Variants in AKAP7 observed in about 807,000 individuals in gnomAD.
The protein encoded by AKAP7 is A kinase (PRKA) anchor protein 7.
In AKAP7, 39 loss-of-function variants were observed where a neutral mutation model predicts 39.5. The ratio of observed to expected loss-of-function variants is 0.99; its 90% CI spans 0.76 to 1.29. AKAP7 has a LOEUF of 1.29. AKAP7 is among the 50% of genes most tolerant of loss of function. The pLI is 0.00. For missense variants in AKAP7, 414 were observed against 407.7 expected, an observed-to-expected ratio of 1.02 and a Z score of -0.13; for synonymous variants, 140 against 139.1, an observed-to-expected ratio of 1.01 and a Z score of -0.05.
intron 2 of AKAP7, among the ~76,000 whole-genome samples, chr6:131,146,568 T>C (rs1447911165): frequency 1.3e-5 from 2 of 152,232 alleles, no homozygotes; most frequent in Non-Finnish European, 2.9e-5. Context: ...TCCAGGTTAC[T>C]TGTGGGGAGG....
intron 7 of AKAP7, among the ~76,000 whole-genome samples, chr6:131,249,971 A>G (rs756887843): frequency 6.6e-6 from 1 of 152,184 alleles, no homozygotes; most frequent in African/African-American, 2.4e-5. Flanking sequence ...CACTTAGCCT[A>G]TCATTTCTAT....
intron 5 of AKAP7, among the ~76,000 whole-genome samples, chr6:131,198,822 A>T (rs557700517): frequency 3.5e-4 from 53 of 152,298 alleles, no homozygotes; most frequent in Non-Finnish European, 7.2e-4. Context: ...CCTTGCACAC[A>T]TGCACTGATC....
At chr6:131,152,081 C>T (rs184409723) in intron 2 of AKAP7, among the ~76,000 whole-genome samples, 180 of 149,850 alleles carry the variant, frequency 1.2e-3, no homozygotes, top group Non-Finnish European at 2.2e-3. Flanking sequence ...GAGTTACAGC[C>T]TTTGTCAGCA....
chr6:131,157,207 T>A, intron 2 of AKAP7, among the ~76,000 whole-genome samples: 1 of 152,232 alleles, frequency 6.6e-6, no homozygotes, highest in Non-Finnish European at 1.5e-5. Flanking sequence ...TAAATGTTTT[T>A]ATGTATTAAC....
chr6:131,281,516 A>G lies in AKAP7; in HGVS notation c.851-14A>G. ...GTGATCTCAGTGACCTCTCTTCTCT[A>G]TTGTGGAATGTAGGTGAAAAGAACG... On this transcript the variant is annotated splice_polypyrimidine_tract_variant and intron_variant, in intron 7 of 7. Coordinates refer to ENST00000431975, the MANE Select transcript of AKAP7 (RefSeq NM_016377.4). This position sits in a 1 kb window ranked among gnomAD's most constrained non-coding sequence, Gnocchi z 4.0. 1.9e-6 allele frequency: 3 copies of G among 1,591,516 alleles called. No individual in the cohort carries two copies. Among genetic ancestry groups the G allele is most frequent in the South Asian group, 2.3e-5 (2 of 87,674 alleles).
In AKAP7 at chr6:131,167,914, G is replaced by T. The variant is rs1047006367; in HGVS notation, c.429-1199G>T. On this transcript the variant is annotated intron_variant, in intron 4 of 7. Coordinates refer to ENST00000431975, the MANE Select transcript of AKAP7 (RefSeq NM_016377.4). ...CTGATCAAAATAATTTAAACGAATA[G>T]CAATCCACTGGAAGGGTGTTTTAAA... 3.9e-5 allele frequency among the ~76,000 whole-genome samples: 6 copies of T among 152,110 alleles called. No individual in the cohort carries two copies. In the East Asian group the frequency reaches 1.2e-3, roughly 29 times the overall value.
chr6:131,257,560 T>C (rs1415294535), intron 7 of AKAP7, among the ~76,000 whole-genome samples: 1 of 152,122 alleles, frequency 6.6e-6, no homozygotes, highest in Non-Finnish European at 1.5e-5. Context: ...GTCTTGTCCA[T>C]CATGAGGCCT....
intron 7 of AKAP7, chr6:131,253,253 T>A: frequency 4.0e-6 from 3 of 756,014 alleles, no homozygotes; most frequent in Non-Finnish European, 6.2e-6. Flanking sequence ...ATGATTTTTT[T>A]AAATCAACTA....
In AKAP7 at chr6:131,135,740, G is replaced by T. The variant is rs1169189297; in HGVS notation, c.-24G>T. On this transcript the variant is annotated 5_prime_UTR_variant, in exon 1 of 8. Transcript: ENST00000431975. ...CACCGCCGCTGCCGCCAGCCCAGAC[G>T]CGCCGCCCGCATGCGCCGCGACCAT... 1 of 1,219,488 alleles carries T rather than the reference G, an allele frequency of 8.2e-7. No individual in the cohort carries two copies. The highest frequency in any genetic ancestry group is 1.0e-6 in the Non-Finnish European group (1 of 982,004). The allele number at this position is 1,219,488 out of a possible 1,614,324, so 75.5% of individuals were successfully genotyped here.
intron 6 of AKAP7, among the ~76,000 whole-genome samples, chr6:131,202,105 AAAC>A (rs1203454097): frequency 6.6e-6 from 1 of 151,486 alleles, no homozygotes; most frequent in African/African-American, 2.4e-5. Flanking sequence ...AAAAGTCAGG[AAAC>A]AACAGGTGCT....
intron 4 of AKAP7, among the ~76,000 whole-genome samples, chr6:131,165,762 G>A (rs951773981): frequency 3.9e-5 from 6 of 152,068 alleles, no homozygotes; most frequent in Non-Finnish European, 8.8e-5. Flanking sequence ...CCATGCCAGG[G>A]TTCTGCCATA....
intron 1 of AKAP7, chr6:131,136,931 T>C: frequency 1.1e-6 from 1 of 882,662 alleles, no homozygotes; most frequent in Non-Finnish European, 1.4e-6. Flanking sequence ...AATAAACTTA[T>C]TTATGTATGT....
intron 5 of AKAP7, chr6:131,185,016 T>G: frequency 1.3e-6 from 1 of 755,640 alleles, no homozygotes; most frequent in Non-Finnish European, 2.5e-6. Context: ...GTCATCTGGT[T>G]CTAGGATCCG....
At chr6:131,169,319 C>T (rs1427016453) in intron 5 of AKAP7, 46 bp downstream of exon 5, 17 of 1,584,418 alleles carry the variant, frequency 1.1e-5, no homozygotes, top group Admixed American at 1.9e-5. Flanking sequence ...GTTGGAGAAG[C>T]AATTTTTTTC....
At chr6:131,182,990 A>C (rs1414927332) in intron 5 of AKAP7, among the ~76,000 whole-genome samples, 4 of 152,190 alleles carry the variant, frequency 2.6e-5, no homozygotes, top group African/African-American at 9.7e-5. Flanking sequence ...GGGGAAAAAA[A>C]GCTGTATTTC....
chr6:131,141,901 T>C, intron 1 of AKAP7, among the ~76,000 whole-genome samples: 1 of 138,748 alleles, frequency 7.2e-6, no homozygotes, highest in East Asian at 2.0e-4. Flanking sequence ...CTTTCTTTCT[T>C]TTTTTTTTTT....
upstream of AKAP7, among the ~76,000 whole-genome samples, chr6:131,130,686 C>T (rs974519595): frequency 6.6e-6 from 1 of 152,142 alleles, no homozygotes. Flanking sequence ...CTGATGTGCG[C>T]GAGGGCAGAG....
chr6:131,206,087 G>A (rs1265961632), intron 6 of AKAP7, among the ~76,000 whole-genome samples: 4 of 152,134 alleles, frequency 2.6e-5, no homozygotes, highest in Non-Finnish European at 5.9e-5. Context: ...AAGAAGACAA[G>A]TTTCAAATCA....
At chr6:131,255,333 C>T (rs1340392404) in intron 7 of AKAP7, among the ~76,000 whole-genome samples, 1 of 152,186 alleles carries the variant, frequency 6.6e-6, no homozygotes, top group African/African-American at 2.4e-5. Flanking sequence ...GCTTCAGTGT[C>T]AATCAGCCTA....
Sources: gnomAD v4.1 joint callset for allele counts (sites outside exome capture counted in the v4.1 genomes callset) on GRCh38, gnomAD v4.1.1 for gene constraint, Gnocchi (gnomAD v3.1) non-coding constraint, MANE v1.5 for transcripts, NCBI Gene and HGNC (gene_info 2026-07-23, HGNC 2026-07-21) for gene names.